Variants in EYS observed in about 807,000 individuals in gnomAD.
The protein encoded by EYS is EGF-like photoreceptor maintenance factor.
Under a neutral mutation model 282.1 loss-of-function variants are expected in EYS, and 250 were observed. The observed-to-expected ratio is 0.89, with a 90% confidence interval of 0.80 to 0.98. EYS has a LOEUF of 0.98. EYS is among the 50% of genes least tolerant of loss of function. The pLI, the probability that EYS is intolerant of heterozygous loss-of-function variation, is 0.00. For missense variants in EYS, 4,016 were observed against 3,709.0 expected (o/e 1.08, Z -2.15); for synonymous variants, 1,355 against 1,282.9 (o/e 1.06, Z -1.20).
In EYS at chr6:65,570,320, T is replaced by C. The variant is rs533581073; in HGVS notation, c.-333+69458A>G. 3.9e-5 allele frequency among the ~76,000 whole-genome samples: 6 copies of C among 152,276 alleles called. No homozygotes were observed. In the South Asian group the frequency reaches 1.2e-3, roughly 32 times the overall value. On this transcript the variant is annotated intron_variant, in intron 2 of 42. Coordinates refer to ENST00000503581, the MANE Select transcript of EYS (RefSeq NM_001142800.2). ...ATGAATTAGCATCATAAATAGCCTA[T>C]GCAGAAAACATGCTGAATTATGCTT...
chr6:63,833,171 C>T (rs557699973), intron 36 of EYS, among the ~76,000 whole-genome samples: 3 of 152,160 alleles, frequency 2.0e-5, no homozygotes, highest in African/African-American at 7.2e-5. Flanking sequence ...CAGGGATGCC[C>T]TCTCTCACCA....
chr6:64,633,100 CTGAG>C (rs1256579121), intron 22 of EYS, among the ~76,000 whole-genome samples: 2 of 151,844 alleles, frequency 1.3e-5, no homozygotes, highest in Non-Finnish European at 2.9e-5. Flanking sequence ...TACTTTTATC[CTGAG>C]TAATTCTATT....
chr6:64,832,892 TTTCAAAGGACATTCTTTAG>T (rs1027137416), intron 19 of EYS, among the ~76,000 whole-genome samples: 2 of 151,950 alleles, frequency 1.3e-5, no homozygotes, highest in African/African-American at 4.8e-5. Flanking sequence ...AATCTAAGTA[TTTCAAAGGACATTCTTTAG>T]TTCAAAGGAC....
At chr6:64,790,075 G>T (rs1422336473) in intron 22 of EYS, among the ~76,000 whole-genome samples, 1 of 151,716 alleles carries the variant, frequency 6.6e-6, no homozygotes, top group Non-Finnish European at 1.5e-5. Context: ...CACTAGATTT[G>T]TTTTTTAAGA....
chr6:64,613,924 G>C (rs1364749998), intron 24 of EYS, among the ~76,000 whole-genome samples: 1 of 152,084 alleles, frequency 6.6e-6, no homozygotes, highest in Non-Finnish European at 1.5e-5. Flanking sequence ...TTTTACCAGA[G>C]CTTAGTTGAC....
At chr6:64,196,971 C>T (rs980893064) in intron 31 of EYS, among the ~76,000 whole-genome samples, 1 of 150,350 alleles carries the variant, frequency 6.7e-6, no homozygotes, top group Admixed American at 6.6e-5. Flanking sequence ...TTTGTCTTTA[C>T]TAGTGGCACT....
chr6:63,745,048 C>T, intron 41 of EYS: 1 of 416,168 alleles, frequency 2.4e-6, no homozygotes, highest in East Asian at 7.7e-5. Flanking sequence ...TATTCAGATG[C>T]CAAAAAAGGT....
chr6:64,266,875 G>A (rs1767777926), intron 30 of EYS, among the ~76,000 whole-genome samples: 1 of 152,070 alleles, frequency 6.6e-6, no homozygotes, highest in South Asian at 2.1e-4. Context: ...AAGTTAGAAG[G>A]GTTAGAAACA....
intron 30 of EYS, among the ~76,000 whole-genome samples, chr6:64,235,182 G>A (rs567232414): frequency 4.0e-5 from 6 of 150,750 alleles, no homozygotes; most frequent in South Asian, 2.1e-4. Flanking sequence ...CTGGTGTGCC[G>A]CACCCATTAA....
intron 31 of EYS, among the ~76,000 whole-genome samples, chr6:64,140,549 T>C (rs1774306984): frequency 6.6e-6 from 1 of 152,164 alleles, no homozygotes; most frequent in African/African-American, 2.4e-5. Context: ...GTTCAGCCAA[T>C]GAGCAACTCT....
chr6:64,631,995 TC>T lies in EYS; in HGVS notation c.3444-5751del, dbSNP rs145387808. Among the ~76,000 whole-genome samples, 832 of 152,060 alleles carry T rather than the reference TC, an allele frequency of 5.5e-3. 12 individuals are homozygous for T. The highest frequency in any genetic ancestry group is 0.019 in the African/African-American group (798 of 41,562). ...TATATTACATTTATAATTTCTAATA[TC>T]CCATTTGCTGGGCTTTGATAATATA... On this transcript the variant is annotated intron_variant, in intron 22 of 42. Transcript: ENST00000503581.
At chr6:65,554,292 A>G (rs1051911159) in intron 2 of EYS, among the ~76,000 whole-genome samples, 1 of 152,100 alleles carries the variant, frequency 6.6e-6, no homozygotes, top group African/African-American at 2.4e-5. Flanking sequence ...TATCCGCATG[A>G]TATGTTCTAA....
chr6:64,756,384 C>G (rs1021698111), intron 22 of EYS, among the ~76,000 whole-genome samples: 4 of 152,004 alleles, frequency 2.6e-5, no homozygotes, highest in African/African-American at 4.8e-5. Context: ...AAGGATCTTG[C>G]TTTTTTAAGC....
intron 12 of EYS, among the ~76,000 whole-genome samples, chr6:65,066,012 A>T (rs1295041989): frequency 6.6e-6 from 1 of 152,152 alleles, no homozygotes; most frequent in Non-Finnish European, 1.5e-5. Flanking sequence ...TTGTTCAAAC[A>T]TCTTGGTTTA....
chr6:65,329,470 G>A (rs536842271), intron 11 of EYS: 16 of 966,074 alleles, frequency 1.7e-5, no homozygotes, highest in African/African-American at 3.5e-5. Flanking sequence ...GTATGTAAGT[G>A]CCTTAGACAA....
At chr6:63,723,788 CATTATTATTATTATTATTATTATT>C (rs57873412) in intron 42 of EYS, among the ~76,000 whole-genome samples, 6 of 138,172 alleles carry the variant, frequency 4.3e-5, no homozygotes, top group African/African-American at 1.3e-4. Flanking sequence ...TACACATTGG[CATTATTATTATTATTATTATTATT>C]ATTATTATTA....
chr6:65,607,380 G>GTTTTT (rs1182535041), intron 2 of EYS, among the ~76,000 whole-genome samples: 1 of 151,694 alleles, frequency 6.6e-6, no homozygotes, highest in Non-Finnish European at 1.5e-5. Flanking sequence ...TCTTTCTCAA[G>GTTTTT]TTTTTTACCC....
At position 65,515,685 on chromosome 6, in the gene EYS, G is replaced by A. The variant is rs188200357; in HGVS notation, c.-332-19692C>T. On this transcript the variant is annotated intron_variant, in intron 2 of 42. Coordinates refer to ENST00000503581, the MANE Select transcript of EYS (RefSeq NM_001142800.2). ...AAATCATCATTCTCAGTAAACTATCGCAAGGACAAAAAACCAAACACCGCA... is the reference window on the plus strand; with the variant it reads ...AAATCATCATTCTCAGTAAACTATCACAAGGACAAAAAACCAAACACCGCA... Among the ~76,000 whole-genome samples, 233 of 149,886 alleles carry A rather than the reference G, an allele frequency of 1.6e-3. 5 individuals are homozygous for A. The highest frequency in any genetic ancestry group is 0.012 in the East Asian group (59 of 4,996).
chr6:64,029,988 G>A (rs916780710), intron 33 of EYS, among the ~76,000 whole-genome samples: 2 of 152,204 alleles, frequency 1.3e-5, no homozygotes, highest in Admixed American at 6.5e-5. Flanking sequence ...ACACAAGGAG[G>A]TGGCACTCTT....
Sources: gnomAD v4.1 joint callset for allele counts (sites outside exome capture counted in the v4.1 genomes callset) on GRCh38, gnomAD v4.1.1 for gene constraint, MANE v1.5 for transcripts, NCBI Gene and HGNC (gene_info 2026-07-23, HGNC 2026-07-21) for gene names.